TTF2: variants seen among roughly 807,000 people sequenced by gnomAD.
TTF2 encodes transcription termination factor 2, also known as RNA polymerase II termination factor.
Under a neutral mutation model 142.4 loss-of-function variants are expected in TTF2, and 108 were observed. The ratio of observed to expected loss-of-function variants is 0.76; its 90% confidence interval spans 0.65 to 0.89. The LOEUF (loss-of-function observed/expected upper bound fraction) is 0.89. TTF2 is among the 40% of genes least tolerant of loss of function. The probability of loss-of-function intolerance (pLI) is 0.00; values close to 1 mark genes in which losing one functional copy is unlikely to be tolerated. For missense variants in TTF2, 1,327 were observed against 1,379.8 expected (o/e 0.96, Z 0.61); for synonymous variants, 483 against 506.2 (o/e 0.95, Z 0.61).
rs1004525640 is a variant in TTF2 at position 117,107,149 on chromosome 1, G to T, written c.*5625G>T. 6.6e-6 allele frequency: 1 copy of T among 152,182 alleles called. No homozygotes were observed. The highest frequency in any genetic ancestry group is 1.5e-5 in the Non-Finnish European group (1 of 68,038). The allele number at this position is 152,182 out of a possible 1,614,324, so 9.4% of individuals were successfully genotyped here. ...CACTCTTTTTTTGCCTCACCTTGGA[G>T]TCTTGGGCTCTGTTGATCACTGACT... On this transcript the variant is annotated 3_prime_UTR_variant, in exon 23 of 23. Transcript: ENST00000369466.
chr1:117,066,562 C>T (rs1656147992), intron 3 of TTF2, among the ~76,000 whole-genome samples: 1 of 152,036 alleles, frequency 6.6e-6, no homozygotes, highest in South Asian at 2.1e-4. Context: ...ATTGTCAGTG[C>T]TCAGTAGGGA....
At position 117,076,651 on chromosome 1, in the gene TTF2, G is replaced by A; in HGVS notation, c.1401G>A (p.Glu467=). ...LTLSPEQGTN[E]KSNSQVPQQS... ...TTGTTTTCTGAGCAGGAACTAATGAGAAGAGTAACAGTCAAGTACCACAGC... is the reference window on the plus strand; with the variant it reads ...TTGTTTTCTGAGCAGGAACTAATGAAAAGAGTAACAGTCAAGTACCACAGC... The change falls in exon 7 of 23, where the codon GAG becomes GAA. Residue 467 remains glutamate (E), a synonymous_variant. Coordinates refer to ENST00000369466, the MANE Select transcript of TTF2 (RefSeq NM_003594.4). The surrounding 1 kb of genome is among the most constrained non-coding windows in gnomAD (Gnocchi z 4.6). 6.2e-7 allele frequency: 1 copy of A among 1,610,590 alleles called. No homozygotes were observed. The highest frequency in any genetic ancestry group is 1.1e-5 in the South Asian group (1 of 90,444).
At chr1:117,096,454 C>T (rs1234628323) in intron 20 of TTF2, among the ~76,000 whole-genome samples, 155 bp downstream of exon 20, 1 of 152,164 alleles carries the variant, frequency 6.6e-6, no homozygotes, top group African/African-American at 2.4e-5. Context: ...CTTGGCTCAC[C>T]GCAACCTCCG....
intron 18 of TTF2, chr1:117,094,526 A>G: frequency 2.2e-6 from 1 of 458,732 alleles, no homozygotes; most frequent in East Asian, 7.0e-5. Context: ...GGGAATACCC[A>G]GGGAGCCTGT....
Position 117,100,285 on chromosome 1 carries a change from G to A in TTF2, c.3345-1095G>A, listed in dbSNP as rs562015535. On this transcript the variant is annotated intron_variant, in intron 22 of 22. Transcript: ENST00000369466. The surrounding 1 kb of genome is among the most constrained non-coding windows in gnomAD (Gnocchi z 4.6). ...CCAGAACTAGACTCCTACCTTTCTC[G>A]CTTTTCCACTTACCAAGTCCTTTAG... is the stretch of plus-strand genomic sequence containing the variant. Among the ~76,000 whole-genome samples the A allele has an allele frequency of 4.1e-4, 63 of 152,098 alleles. No individual in the cohort carries two copies. Among genetic ancestry groups the A allele is most frequent in the Middle Eastern group, 3.4e-3 (1 of 294 alleles).
chr1:117,091,410 G>A lies in TTF2; in HGVS notation c.2671G>A (p.Val891Met). 6 of 1,610,694 alleles carry A rather than the reference G, an allele frequency of 3.7e-6. No homozygotes were observed. The highest frequency in any genetic ancestry group is 5.1e-6 in the Non-Finnish European group (6 of 1,179,122). Residue 891 changes from valine to methionine, a missense_variant and splice_region_variant, in exon 16 of 23, where the codon GTG becomes ATG. Physicochemically the swap from Val to Met is conservative, Grantham distance 21 (BLOSUM62 1). Transcript: ENST00000369466. ...GRSPNNPFSR[V>M]ALEFGSEEPR... ...AAGCCCTAATAATCCATTCAGTAGA[G>A]GTAAGCTGTAGGACTCTCATAAATA...
Position 117,076,740 on chromosome 1 carries a change from G to T in TTF2, c.1490G>T (p.Arg497Leu). ...PHLVPPQPLP[R>L]RGTQPVGSLE... is the part of the protein sequence containing the mutation. Reference sequence around the variant, plus strand: ...CTGGTGCCTCCCCAACCCCTTCCTCGTCGTGGTACCCAACCTGTGGGTTCT... The same window carrying T: ...CTGGTGCCTCCCCAACCCCTTCCTCTTCGTGGTACCCAACCTGTGGGTTCT... Residue 497 changes from arginine to leucine, a missense_variant, in exon 7 of 23, where the codon CGT (arginine) becomes CTT (leucine). Transcript: ENST00000369466. This position sits in a 1 kb window ranked among gnomAD's most constrained non-coding sequence, Gnocchi z 4.6. 1.2e-6 allele frequency: 2 copies of T among 1,613,940 alleles called. No individual in the cohort carries two copies. Among genetic ancestry groups the T allele is most frequent in the South Asian group, 2.2e-5 (2 of 91,062 alleles).
rs1397141386 is a variant in TTF2 at position 117,097,962 on chromosome 1, G to A, written c.3269+529G>A. Among the ~76,000 whole-genome samples, 1 of 152,208 alleles carries A rather than the reference G, an allele frequency of 6.6e-6. No homozygotes were observed. The highest frequency in any genetic ancestry group is 2.4e-5 in the African/African-American group (1 of 41,454). ...CATCTTTCGTGGCTACAGAATGAAT[G>A]AGTTAGTGTGTTGCTAACAGAAAAT... On this transcript the variant is annotated intron_variant, in intron 21 of 22. Coordinates refer to ENST00000369466, the MANE Select transcript of TTF2 (RefSeq NM_003594.4). The surrounding 1 kb of genome is among the most constrained non-coding windows in gnomAD (Gnocchi z 4.1).
intron 10 of TTF2, 147 bp from the exon 11 acceptor site, chr1:117,083,871 G>T: frequency 1.1e-6 from 1 of 889,544 alleles, no homozygotes; most frequent in East Asian, 2.5e-5. Flanking sequence ...TTCCACTGTG[G>T]GAGGCTAAGG....
chr1:117,082,675 C>G (rs532158114), intron 10 of TTF2, among the ~76,000 whole-genome samples: 3 of 152,288 alleles, frequency 2.0e-5, no homozygotes, highest in Admixed American at 6.5e-5. Context: ...TAGACACTTT[C>G]TATCTTAACA....
rs957454016 is a variant in TTF2 at position 117,102,970 on chromosome 1, A to G, written c.*1446A>G. 1.3e-5 allele frequency: 2 copies of G among 152,192 alleles called. No homozygotes were observed. Among genetic ancestry groups the G allele is most frequent in the African/African-American group, 4.8e-5 (2 of 41,450 alleles). 9.4% of individuals were successfully genotyped at this position (152,192 alleles called of 1,614,324 possible). ...CTGCAGTTTGACGGGGTCCATATCA[A>G]TGGACTGTGGAGAGAAGCGATTGAT... On this transcript the variant is annotated 3_prime_UTR_variant, in exon 23 of 23. Transcript: ENST00000369466.
intron 4 of TTF2, among the ~76,000 whole-genome samples, chr1:117,074,217 A>T (rs1656806683): frequency 6.6e-6 from 1 of 152,230 alleles, no homozygotes; most frequent in Non-Finnish European, 1.5e-5. Context: ...TTACGATTCT[A>T]GATTACCACA....
rs1043673371 is a variant in TTF2 at position 117,087,007 on chromosome 1, A to G, written c.2160+485A>G. Among the ~76,000 whole-genome samples, 1 of 152,022 alleles carries G rather than the reference A, an allele frequency of 6.6e-6. No homozygotes were observed. The highest frequency in any genetic ancestry group is 1.5e-5 in the Non-Finnish European group (1 of 68,014). On this transcript the variant is annotated intron_variant, in intron 12 of 22. Transcript: ENST00000369466. The surrounding 1 kb of genome is among the most constrained non-coding windows in gnomAD (Gnocchi z 4.8). ...GCTAAGTGACAATTGTGAATACGTG[A>G]TGGTCTTCTAGGGTGTCCAGGGCAG...
chr1:117,090,629 T>C lies in TTF2; in HGVS notation c.2588+6T>C. 1 of 1,610,238 alleles carries C rather than the reference T, an allele frequency of 6.2e-7. No homozygotes were observed. The highest frequency in any genetic ancestry group is 1.7e-4 in the Middle Eastern group (1 of 6,018). On this transcript the variant is annotated splice_donor_region_variant and intron_variant, in intron 15 of 22. Transcript: ENST00000369466. The surrounding 1 kb of genome is among the most constrained non-coding windows in gnomAD (Gnocchi z 4.8). The stretch of plus-strand genomic sequence containing the variant: ...GTGTTTTTTGCAAGATCAAGGTGTG[T>C]GTATTAAAGAAGCACCTTCTCACAC...
rs1034311947 is a variant in TTF2 at position 117,070,107 on chromosome 1, G to A, written c.219-3554G>A. Among the ~76,000 whole-genome samples, 1 of 152,196 alleles carries A rather than the reference G, an allele frequency of 6.6e-6. No homozygotes were observed. The highest frequency in any genetic ancestry group is 1.5e-5 in the Non-Finnish European group (1 of 68,032). On this transcript the variant is annotated intron_variant, in intron 3 of 22. Coordinates refer to ENST00000369466, the MANE Select transcript of TTF2 (RefSeq NM_003594.4). The surrounding 1 kb of genome is among the most constrained non-coding windows in gnomAD (Gnocchi z 4.2). The stretch of plus-strand genomic sequence containing the variant: ...ATTTTAATTAAAAATGTAAGGGAAA[G>A]CATTTTTAGCACTGTGCCTAGCACA...
rs769231549 is a variant in TTF2, at chr1:117,090,535, A to C, written c.2500A>C (p.Ile834Leu). The C allele has an allele frequency of 6.2e-7, 1 of 1,613,286 alleles. No homozygotes were observed. Among genetic ancestry groups the C allele is most frequent in the African/African-American group, 1.3e-5 (1 of 74,932 alleles). The change falls in exon 15 of 23, where the codon ATA becomes CTA. Residue 834 changes from isoleucine (I) to leucine (L), a missense_variant. Transcript: ENST00000369466. The surrounding 1 kb of genome is among the most constrained non-coding windows in gnomAD (Gnocchi z 4.8). ...QLDSTGRPLV[I>L]LPQRKFQLHH... Reference sequence around the variant, plus strand: ...GCTTTTTTTTTTATTCTTCCAGGTGATACTGCCCCAGCGTAAATTTCAGTT... The same window carrying C: ...GCTTTTTTTTTTATTCTTCCAGGTGCTACTGCCCCAGCGTAAATTTCAGTT...
chr1:117,074,670 A>G (rs1455249439), intron 4 of TTF2, among the ~76,000 whole-genome samples, 200 bp from the exon 5 acceptor site: 1 of 151,794 alleles, frequency 6.6e-6, no homozygotes, highest in African/African-American at 2.4e-5. Context: ...ACTGTGAACT[A>G]CTGGAGAGGG....
chr1:117,096,156 G>C lies in TTF2; in HGVS notation c.3043G>C (p.Val1015Leu). ...RNSASQKSVIVSQWTNMLKVV... is the reference protein window; with the variant it reads ...RNSASQKSVILSQWTNMLKVV... ...TTTTATTCTTCTTTCCAGTGTCATT[G>C]TCTCTCAGTGGACCAACATGCTGAA... The change falls in exon 20 of 23, where the codon GTC (valine) becomes CTC (leucine). Residue 1015 changes from valine (V) to leucine (L), a missense_variant. Val to Leu is a conservative substitution (Grantham distance 32). Coordinates refer to ENST00000369466, the MANE Select transcript of TTF2 (RefSeq NM_003594.4). The C allele has an allele frequency of 1.8e-5, 29 of 1,613,890 alleles. No individual in the cohort carries two copies. The highest frequency in any genetic ancestry group is 2.4e-5 in the Non-Finnish European group (28 of 1,179,926).
At chr1:117,081,424 C>T (rs1282317957) in intron 9 of TTF2, among the ~76,000 whole-genome samples, 7 of 152,224 alleles carry the variant, frequency 4.6e-5, no homozygotes, top group Admixed American at 2.0e-4. Context: ...GCTATTTTAA[C>T]TCCAGGAATG....
Sources: allele counts gnomAD v4.1 joint callset (sites outside exome capture counted in the v4.1 genomes callset), GRCh38; gene constraint gnomAD v4.1.1; non-coding constraint Gnocchi (gnomAD v3.1); transcripts MANE v1.5; gene names NCBI Gene and HGNC (gene_info 2026-07-23, HGNC 2026-07-21).